NBEA: variants seen among roughly 807,000 people sequenced by gnomAD.
The protein encoded by NBEA is neurobeachin.
NBEA carries 44 observed loss-of-function variants against 343.4 expected under a neutral mutation model. The ratio of observed to expected loss-of-function variants is 0.13; its 90% confidence interval spans 0.10 to 0.16. NBEA has a LOEUF of 0.16. Among genes scored for constraint, NBEA ranks in the 10% least tolerant of loss-of-function variants. The pLI is 1.00. For missense variants in NBEA, 2,555 were observed against 3,631.3 expected, an observed-to-expected ratio of 0.70 and a Z score of 7.62; for synonymous variants, 1,175 against 1,238.7, an observed-to-expected ratio of 0.95 and a Z score of 1.08.
chr13:35,414,641 T>G (rs2043793801), intron 38 of NBEA, among the ~76,000 whole-genome samples: 1 of 152,184 alleles, frequency 6.6e-6, no homozygotes, highest in Admixed American at 6.5e-5. Context: ...TGATGGACAT[T>G]TGGGTTGGTT....
chr13:35,421,160 A>G (rs571937497), intron 38 of NBEA, among the ~76,000 whole-genome samples: 105 of 152,054 alleles, frequency 6.9e-4, no homozygotes, highest in Middle Eastern at 3.4e-3. Flanking sequence ...ACTTGTGTCC[A>G]ACAAGTGTTG....
In NBEA at chr13:35,002,738, G is replaced by A. The variant is rs137937422; in HGVS notation, c.295-38195G>A. On this transcript the variant is annotated intron_variant, in intron 1 of 58. Coordinates refer to ENST00000379939, the MANE Select transcript of NBEA (RefSeq NM_001385012.1). The stretch of plus-strand genomic sequence containing the variant: ...CACATCTTTTGCCAATGAGAAATAA[G>A]TTTGTTTATTCCTGTAGTATACAAA... Among the ~76,000 whole-genome samples the A allele has an allele frequency of 3.7e-4, 57 of 152,282 alleles. No individual in the cohort carries two copies. In the East Asian group the frequency reaches 9.8e-3, roughly 26 times the overall value.
At position 35,593,416 on chromosome 13, in the gene NBEA, G is replaced by A. The variant is rs1001379233; in HGVS notation, c.7265G>A (p.Arg2422Lys). The A allele has an allele frequency of 1.2e-6, 2 of 1,612,042 alleles. No homozygotes were observed. The highest frequency in any genetic ancestry group is 1.7e-6 in the Non-Finnish European group (2 of 1,178,558). Residue 2422 changes from arginine (R) to lysine (K), a missense_variant, in exon 47 of 59, where the codon AGA (arginine) becomes AAA (lysine). Arg to Lys is a conservative substitution (Grantham distance 26, BLOSUM62 2). Around this residue, in one of 21 missense-constraint regions of NBEA, gnomAD observed 156 missense variants for 185.8 expected, o/e 0.84. Coordinates refer to ENST00000379939, the MANE Select transcript of NBEA (RefSeq NM_001385012.1). ...RTFSSVARSWRTSQRDTSDVK... is the reference protein window; with the variant it reads ...RTFSSVARSWKTSQRDTSDVK... ...TTCTCATCCGTTGCAAGGTCTTGGA[G>A]AACTAGTCAGAGAGATACTTCTGAT...
At chr13:35,526,200 C>T (rs1313529260) in intron 41 of NBEA, among the ~76,000 whole-genome samples, 1 of 152,108 alleles carries the variant, frequency 6.6e-6, no homozygotes, top group Non-Finnish European at 1.5e-5. Flanking sequence ...AGAACTTCTA[C>T]ATTTTGTTTT....
intron 1 of NBEA, among the ~76,000 whole-genome samples, chr13:34,961,661 TATA>T (rs1305230067): frequency 6.6e-6 from 1 of 152,102 alleles, no homozygotes; most frequent in Non-Finnish European, 1.5e-5. Flanking sequence ...CCCTGGAGTT[TATA>T]GAGTTGTAGA....
At chr13:35,215,891 T>C (rs1225871325) in intron 33 of NBEA, among the ~76,000 whole-genome samples, 1 of 151,572 alleles carries the variant, frequency 6.6e-6, no homozygotes, top group African/African-American at 2.4e-5. Flanking sequence ...GATAGTATAT[T>C]TATTTTTGTA....
chr13:35,432,217 C>T, intron 38 of NBEA, 52 bp from the exon 39 acceptor site: 2 of 1,426,094 alleles, frequency 1.4e-6, no homozygotes. Flanking sequence ...AAATGTATTT[C>T]CAGCTATGCA....
At chr13:35,276,232 A>T (rs973587984) in intron 34 of NBEA, among the ~76,000 whole-genome samples, 10 of 152,010 alleles carry the variant, frequency 6.6e-5, no homozygotes, top group African/African-American at 2.4e-4. Flanking sequence ...AAAGGGAATT[A>T]TTTTCCCTTT....
intron 34 of NBEA, among the ~76,000 whole-genome samples, chr13:35,288,702 A>G (rs1268836641): frequency 6.6e-6 from 1 of 151,880 alleles, no homozygotes; most frequent in African/African-American, 2.4e-5. Context: ...TTTTACTTCA[A>G]TTTATTATAT....
chr13:35,027,576 A>G (rs2062060151), intron 1 of NBEA, among the ~76,000 whole-genome samples: 1 of 151,954 alleles, frequency 6.6e-6, no homozygotes, highest in Admixed American at 6.6e-5. Flanking sequence ...TACATTCTAG[A>G]TGAGTCCTTT....
intron 41 of NBEA, among the ~76,000 whole-genome samples, chr13:35,508,865 T>C (rs2077167705): frequency 6.6e-6 from 1 of 152,118 alleles, no homozygotes; most frequent in Non-Finnish European, 1.5e-5. Context: ...GTCACAGAAC[T>C]GGATGAGTTG....
At chr13:35,388,603 T>C (rs1354443176) in intron 38 of NBEA, among the ~76,000 whole-genome samples, 2 of 152,212 alleles carry the variant, frequency 1.3e-5, no homozygotes, top group Non-Finnish European at 2.9e-5. Flanking sequence ...AGTTAAGTAA[T>C]GTTATTTAAA....
At chr13:35,486,568 G>A (rs997096691) in intron 41 of NBEA, among the ~76,000 whole-genome samples, 2 of 152,012 alleles carry the variant, frequency 1.3e-5, no homozygotes, top group Admixed American at 1.3e-4. Flanking sequence ...GGTTTAGAAA[G>A]GTTGCATCTT....
intron 1 of NBEA, among the ~76,000 whole-genome samples, chr13:35,016,648 T>C (rs926541362): frequency 6.6e-6 from 1 of 151,366 alleles, no homozygotes; most frequent in African/African-American, 2.4e-5. Context: ...TTGAGACAGA[T>C]TGTATACACA....
At chr13:35,004,284 G>A (rs2061243584) in intron 1 of NBEA, among the ~76,000 whole-genome samples, 1 of 152,158 alleles carries the variant, frequency 6.6e-6, no homozygotes, top group Admixed American at 6.5e-5. Context: ...TATTCCTTGG[G>A]TGTATACCCA....
chr13:35,195,559 G>C (rs2072527138), intron 30 of NBEA, among the ~76,000 whole-genome samples: 1 of 151,792 alleles, frequency 6.6e-6, no homozygotes, highest in Non-Finnish European at 1.5e-5. Context: ...ACCGTGCCTA[G>C]CTTATTTTTG....
intron 6 of NBEA, among the ~76,000 whole-genome samples, chr13:35,052,325 A>C (rs1259977923): frequency 6.6e-6 from 1 of 152,016 alleles, no homozygotes; most frequent in Admixed American, 6.6e-5. Flanking sequence ...TGTACCACTT[A>C]ACCAGCTGTT....
intron 10 of NBEA, among the ~76,000 whole-genome samples, chr13:35,097,476 A>G (rs185668356): frequency 2.0e-5 from 3 of 152,158 alleles, no homozygotes; most frequent in Admixed American, 2.0e-4. Context: ...TTAAGCATAT[A>G]CAATGAAGGA....
intron 5 of NBEA, 79 bp downstream of exon 5, chr13:35,048,763 G>C: frequency 1.3e-6 from 1 of 796,588 alleles, no homozygotes. Flanking sequence ...AGGCAACTTA[G>C]ATAGAATATA....
Sources: allele counts gnomAD v4.1 joint callset (sites outside exome capture counted in the v4.1 genomes callset), GRCh38; gene constraint gnomAD v4.1.1; regional missense constraint gnomAD v4.1.1; transcripts MANE v1.5; gene names NCBI Gene and HGNC (gene_info 2026-07-23, HGNC 2026-07-21).